PCDH11Y: variants seen among roughly 807,000 people sequenced by gnomAD.
PCDH11Y encodes protocadherin-11 Y-linked.
For synonymous variants in PCDH11Y, 9 were observed against 83.6 expected (o/e 0.11, Z 4.87); for missense variants, 12 against 224.8 (o/e 0.05, Z 6.05).
intron 2 of PCDH11Y, among the ~76,000 whole-genome samples, chrY:5,174,325 G>C (rs2124646042): frequency 3.3e-5 from 1 of 30,326 alleles, no homozygotes; most frequent in African/African-American, 1.3e-4. Flanking sequence ...TTCCATTAGA[G>C]TGTAAGCTCC....
intron 2 of PCDH11Y, among the ~76,000 whole-genome samples, chrY:5,343,131 A>G (rs1352209931): frequency 4.5e-3 from 152 of 33,787 alleles, no homozygotes; most frequent in Admixed American, 0.02. Flanking sequence ...TTTAGAGTAT[A>G]AACACGTATC....
intron 2 of PCDH11Y, among the ~76,000 whole-genome samples, chrY:5,404,858 C>T: frequency 3.0e-4 from 10 of 33,522 alleles, no homozygotes; most frequent in Non-Finnish European, 7.4e-4. Flanking sequence ...AGAAATTATC[C>T]TCTTATGTTG....
intron 4 of PCDH11Y, among the ~76,000 whole-genome samples, chrY:5,621,193 AAAGTCTC>A (rs2053499568): frequency 3.0e-5 from 1 of 32,968 alleles, no homozygotes; most frequent in Non-Finnish European, 7.4e-5. Flanking sequence ...CAACTTCAGC[AAAGTCTC>A]AAGATATAAA....
chrY:5,029,791 C>T (rs2052586042), intron 1 of PCDH11Y, among the ~76,000 whole-genome samples: 2 of 29,144 alleles, frequency 6.9e-5, no homozygotes, highest in Admixed American at 3.3e-4. Context: ...GGCATGGTGA[C>T]GGGTGCCTGT....
At chrY:5,247,744 G>A (rs2052998221) in intron 2 of PCDH11Y, among the ~76,000 whole-genome samples, 2 of 31,754 alleles carry the variant, frequency 6.3e-5, no homozygotes, top group Non-Finnish European at 1.5e-4. Flanking sequence ...CAGAACTGAA[G>A]GAGATAGAGA....
chrY:5,342,596 T>C (rs2053146725), intron 2 of PCDH11Y, among the ~76,000 whole-genome samples: 1 of 32,799 alleles, frequency 3.0e-5, no homozygotes, highest in African/African-American at 1.2e-4. Context: ...TTTAAAACAG[T>C]AGTCTTAACG....
At chrY:5,255,441 G>A (rs2053009503) in intron 2 of PCDH11Y, among the ~76,000 whole-genome samples, 2 of 33,420 alleles carry the variant, frequency 6.0e-5, no homozygotes, top group South Asian at 1.3e-3. Flanking sequence ...TTATCCATTC[G>A]TCTGTTGATG....
chrY:5,032,788 G>A, intron 3 of PCDH11Y: 1 of 303,379 alleles, frequency 3.3e-6, no homozygotes, highest in Non-Finnish European at 4.8e-6. Flanking sequence ...CTTTTCAGGA[G>A]TAGTAATTTT....
At chrY:5,521,650 A>G in intron 3 of PCDH11Y, among the ~76,000 whole-genome samples, 1 of 28,659 alleles carries the variant, frequency 3.5e-5, no homozygotes, top group African/African-American at 1.4e-4. Context: ...GAAATATAAG[A>G]CTTTTGCAAA....
intron 4 of PCDH11Y, among the ~76,000 whole-genome samples, chrY:5,710,899 C>G: frequency 3.1e-5 from 1 of 32,579 alleles, no homozygotes; most frequent in Non-Finnish European, 7.5e-5. Context: ...CTATCTTAAG[C>G]CCATTTCTGA....
At chrY:5,490,486 G>A in intron 2 of PCDH11Y, among the ~76,000 whole-genome samples, 3 of 34,682 alleles carry the variant, frequency 8.7e-5, no homozygotes, top group Admixed American at 5.1e-4. Flanking sequence ...GTTAGACCAT[G>A]TGGCTTAAAT....
At chrY:5,410,037 TTG>T (rs747569793) in intron 2 of PCDH11Y, among the ~76,000 whole-genome samples, 29 of 28,387 alleles carry the variant, frequency 1.0e-3, no homozygotes, top group South Asian at 4.9e-3. Flanking sequence ...ACAGGTGTGT[TTG>T]TGTGTGTGTG....
chrY:5,410,037 TTGTGTG>T, intron 2 of PCDH11Y, among the ~76,000 whole-genome samples: 1 of 28,695 alleles, frequency 3.5e-5, no homozygotes, highest in Admixed American at 3.2e-4. Flanking sequence ...ACAGGTGTGT[TTGTGTG>T]TGTGTGTGTG....
intron 2 of PCDH11Y, among the ~76,000 whole-genome samples, chrY:5,111,294 C>T: frequency 9.1e-5 from 3 of 33,033 alleles, no homozygotes; most frequent in Non-Finnish European, 1.5e-4. Context: ...AACGGGGTTT[C>T]GCCATTTTGA....
intron 2 of PCDH11Y, among the ~76,000 whole-genome samples, chrY:5,294,710 A>G (rs2053071332): frequency 3.0e-5 from 1 of 32,990 alleles, no homozygotes; most frequent in Non-Finnish European, 7.4e-5. Flanking sequence ...GTGTCTTGCA[A>G]AAATGTTGGA....
chrY:5,613,544 G>T (rs2124701303), intron 4 of PCDH11Y, among the ~76,000 whole-genome samples: 1 of 26,297 alleles, frequency 3.8e-5, no homozygotes, highest in African/African-American at 1.5e-4. Context: ...GATATATTTT[G>T]TCCTGGCCTC....
At chrY:5,223,214 C>A (rs2052955931) in intron 2 of PCDH11Y, among the ~76,000 whole-genome samples, 2 of 32,728 alleles carry the variant, frequency 6.1e-5, no homozygotes, top group African/African-American at 2.4e-4. Flanking sequence ...TCCAGACTAA[C>A]CATTTCTCTA....
intron 2 of PCDH11Y, among the ~76,000 whole-genome samples, chrY:5,192,325 G>T (rs2052913338): frequency 3.1e-5 from 1 of 31,814 alleles, no homozygotes; most frequent in Non-Finnish European, 7.6e-5. Context: ...CCTTCCCAGA[G>T]AGCTGACAAA....
chrY:5,467,822 T>C (rs2053309807), intron 2 of PCDH11Y, among the ~76,000 whole-genome samples: 1 of 33,375 alleles, frequency 3.0e-5, no homozygotes, highest in African/African-American at 1.2e-4. Flanking sequence ...TTGTGGTATG[T>C]AATTACCTAA....
Sources: allele counts gnomAD v4.1 joint callset (sites outside exome capture counted in the v4.1 genomes callset), GRCh38; gene constraint gnomAD v4.1.1; transcripts MANE v1.5; gene names NCBI Gene and HGNC (gene_info 2026-07-23, HGNC 2026-07-21).